The following RALYL variants were observed in gnomAD, a reference collection of about 807,000 sequenced individuals.
The protein encoded by RALYL is RNA-binding Raly-like protein.
In RALYL, 29 loss-of-function variants were observed where a neutral mutation model predicts 35.1. That is an observed-to-expected ratio of 0.83 (90% CI 0.61 to 1.13). RALYL has a LOEUF of 1.13. Ranked by LOEUF, RALYL falls within the 50% of genes most tolerant of loss-of-function variation. The probability of loss-of-function intolerance (pLI) is 0.00; values close to 1 mark genes in which losing one functional copy is unlikely to be tolerated. For missense variants in RALYL, 359 were observed against 360.4 expected, an observed-to-expected ratio of 1.00 and a Z score of 0.03; for synonymous variants, 120 against 127.6, an observed-to-expected ratio of 0.94 and a Z score of 0.40.
chr8:84,212,890 AGAAAT>A (rs1436987971), intron 1 of RALYL, among the ~76,000 whole-genome samples: 1 of 152,166 alleles, frequency 6.6e-6, no homozygotes, highest in Non-Finnish European at 1.5e-5. Flanking sequence ...GATAAATAAC[AGAAAT>A]GACAGTTCAG....
intron 2 of RALYL, among the ~76,000 whole-genome samples, chr8:84,708,605 C>T (rs553354203): frequency 7.9e-5 from 12 of 151,796 alleles, no homozygotes; most frequent in African/African-American, 1.2e-4. Flanking sequence ...TTTTAAAATT[C>T]GGATTGATTT....
chr8:84,376,172 T>A (rs1247337415), intron 1 of RALYL, among the ~76,000 whole-genome samples: 1 of 151,862 alleles, frequency 6.6e-6, no homozygotes, highest in African/African-American at 2.4e-5. Context: ...AATTGACTTA[T>A]ACTCAAGGAA....
chr8:84,424,839 G>T (rs1357502573), intron 1 of RALYL, among the ~76,000 whole-genome samples: 2 of 151,998 alleles, frequency 1.3e-5, no homozygotes, highest in Non-Finnish European at 2.9e-5. Context: ...CCTGCTGGGG[G>T]GTGCCTCCCA....
At chr8:84,888,641 T>C (rs1016483326) in intron 8 of RALYL, among the ~76,000 whole-genome samples, 1 of 152,178 alleles carries the variant, frequency 6.6e-6, no homozygotes, top group Non-Finnish European at 1.5e-5. Flanking sequence ...TCATGGTGCT[T>C]GTTTTATCAA....
chr8:84,529,269 T>C, intron 1 of RALYL, 30 bp from the exon 2 acceptor site: 1 of 1,544,496 alleles, frequency 6.5e-7, no homozygotes, highest in Non-Finnish European at 8.8e-7. Flanking sequence ...TTTTGATTAT[T>C]TGTTTTGTTT....
At chr8:84,906,728 G>T (rs1457229064) in intron 8 of RALYL, among the ~76,000 whole-genome samples, 1 of 150,338 alleles carries the variant, frequency 6.7e-6, no homozygotes, top group Non-Finnish European at 1.5e-5. Context: ...CTGGCACAAA[G>T]ATTTTATCCA....
intron 2 of RALYL, among the ~76,000 whole-genome samples, chr8:84,620,570 A>G (rs372755175): frequency 8.5e-5 from 13 of 152,054 alleles, no homozygotes; most frequent in Admixed American, 3.3e-4. Flanking sequence ...TAATTTGATC[A>G]TCTGAAGCCT....
intron 7 of RALYL, among the ~76,000 whole-genome samples, chr8:84,886,205 C>T (rs112122834): frequency 6.6e-6 from 1 of 152,108 alleles, no homozygotes; most frequent in Non-Finnish European, 1.5e-5. Context: ...AGTATAGATA[C>T]ACATTTATTT....
chr8:84,471,478 T>C (rs2052744291), intron 1 of RALYL, among the ~76,000 whole-genome samples: 1 of 151,110 alleles, frequency 6.6e-6, no homozygotes, highest in South Asian at 2.1e-4. Flanking sequence ...CATGTAGTCC[T>C]AGCTACTCTG....
chr8:84,610,402 G>C (rs1818047643), intron 2 of RALYL, among the ~76,000 whole-genome samples: 1 of 151,920 alleles, frequency 6.6e-6, no homozygotes, highest in African/African-American at 2.4e-5. Flanking sequence ...TTTTTTGGAA[G>C]GAACATCACG....
Position 84,531,216 on chromosome 8 carries a change from C to G in RALYL, c.256+1639C>G, listed in dbSNP as rs74793434. Among the ~76,000 whole-genome samples, 289 of 152,054 alleles carry G rather than the reference C, an allele frequency of 1.9e-3. 2 individuals carry two copies. In the East Asian group the frequency reaches 0.044, roughly 23 times the overall value. Reference sequence around the variant, plus strand: ...AAGTTAAAAGTATAGAGAAATCAAGCTAGGAGAGTGTTAAGAATATTGTGA... The same window carrying G: ...AAGTTAAAAGTATAGAGAAATCAAGGTAGGAGAGTGTTAAGAATATTGTGA... On this transcript the variant is annotated intron_variant, in intron 2 of 8. Coordinates refer to ENST00000521268, the MANE Select transcript of RALYL (RefSeq NM_173848.7).
At chr8:84,533,056 A>T (rs1043061646) in intron 2 of RALYL, among the ~76,000 whole-genome samples, 4 of 152,128 alleles carry the variant, frequency 2.6e-5, no homozygotes, top group African/African-American at 9.6e-5. Context: ...TCTATCTATG[A>T]AATTATTCAT....
At chr8:84,408,946 T>C (rs1454249682) in intron 1 of RALYL, among the ~76,000 whole-genome samples, 1 of 152,136 alleles carries the variant, frequency 6.6e-6, no homozygotes, top group Non-Finnish European at 1.5e-5. Flanking sequence ...TTTAAATAAA[T>C]ATTTTTAATA....
chr8:84,192,928 GTA>G (rs914110139), intron 1 of RALYL, among the ~76,000 whole-genome samples: 11 of 150,122 alleles, frequency 7.3e-5, no homozygotes, highest in Non-Finnish European at 1.5e-4. Context: ...TTGTGTACGT[GTA>G]TATGTAAAAT....
intron 1 of RALYL, among the ~76,000 whole-genome samples, chr8:84,497,668 G>C (rs1397262646): frequency 8.1e-6 from 1 of 123,962 alleles, no homozygotes; most frequent in Non-Finnish European, 1.6e-5. Flanking sequence ...TTGAGAGACA[G>C]TCTCACTCTA....
At chr8:84,435,870 A>G (rs977359274) in intron 1 of RALYL, among the ~76,000 whole-genome samples, 2 of 152,130 alleles carry the variant, frequency 1.3e-5, no homozygotes, top group African/African-American at 4.8e-5. Flanking sequence ...AGATTTACTC[A>G]GAGCTGTCCC....
intron 2 of RALYL, among the ~76,000 whole-genome samples, chr8:84,696,628 G>T (rs762569028): frequency 2.0e-5 from 3 of 151,846 alleles, no homozygotes; most frequent in Non-Finnish European, 4.4e-5. Context: ...AATAATACAA[G>T]ATTTTGTGTT....
chr8:84,774,761 A>G, intron 3 of RALYL, 107 bp downstream of exon 3: 1 of 718,848 alleles, frequency 1.4e-6, no homozygotes, highest in South Asian at 1.8e-5. Context: ...AATAATCCTT[A>G]TTGGAATAAA....
chr8:84,887,806 C>T (rs747281049), intron 8 of RALYL, 30 bp downstream of exon 8: 1 of 1,582,206 alleles, frequency 6.3e-7, no homozygotes, highest in Non-Finnish European at 8.6e-7. Flanking sequence ...TATTCACACC[C>T]TTTGGGTAAC....
Sources: gnomAD v4.1 joint callset for allele counts (sites outside exome capture counted in the v4.1 genomes callset) on GRCh38, gnomAD v4.1.1 for gene constraint, MANE v1.5 for transcripts, NCBI Gene and HGNC (gene_info 2026-07-23, HGNC 2026-07-21) for gene names.